The following RTTN variants were observed in gnomAD, a reference collection of about 807,000 sequenced individuals.
RTTN encodes rotatin.
A neutral mutation model predicts 269.2 loss-of-function variants in RTTN; 182 were observed. The observed-to-expected ratio is 0.68, with a 90% CI of 0.60 to 0.76. The LOEUF is 0.76. RTTN is among the 30% of genes least tolerant of loss of function. The pLI is 0.00. For missense variants in RTTN, 2,545 were observed against 2,608.6 expected (o/e 0.98, Z 0.53); for synonymous variants, 1,006 against 963.5 (o/e 1.04, Z -0.82).
At chr18:70,096,104 T>C (rs1165756164) in intron 28 of RTTN, among the ~76,000 whole-genome samples, 1 of 152,136 alleles carries the variant, frequency 6.6e-6, no homozygotes, top group Non-Finnish European at 1.5e-5. Context: ...TTGATACTCA[T>C]GTATGTGTCA....
chr18:70,128,241 G>A, intron 24 of RTTN, 117 bp downstream of exon 24: 1 of 727,454 alleles, frequency 1.4e-6, no homozygotes, highest in Non-Finnish European at 2.2e-6. Flanking sequence ...CTGTTAAAAA[G>A]CAGAATCAGA....
At chr18:70,095,197 G>A (rs746327453) in intron 28 of RTTN, among the ~76,000 whole-genome samples, 1 of 149,092 alleles carries the variant, frequency 6.7e-6, no homozygotes, top group Non-Finnish European at 1.5e-5. Flanking sequence ...TGTGTGTCTT[G>A]CATGTGAGAT....
chr18:70,133,528 TAGAC>T (rs551469906), intron 23 of RTTN, among the ~76,000 whole-genome samples: 3 of 152,192 alleles, frequency 2.0e-5, no homozygotes, highest in Admixed American at 6.6e-5. Context: ...TGTATATTCT[TAGAC>T]AGAATACTAC....
At chr18:70,036,791 T>C (rs560218223) in intron 40 of RTTN, among the ~76,000 whole-genome samples, 1 of 152,302 alleles carries the variant, frequency 6.6e-6, no homozygotes, top group South Asian at 2.1e-4. Flanking sequence ...TTTTAACAAC[T>C]ATATGCACAC....
intron 23 of RTTN, 200 bp from the exon 24 acceptor site, chr18:70,128,746 A>T (rs182135860): frequency 2.0e-4 from 100 of 510,584 alleles, no homozygotes; most frequent in East Asian, 1.5e-3. Flanking sequence ...ACTCCCCAGA[A>T]CACTTAAATC....
chr18:70,060,390 G>A (rs943004313), intron 35 of RTTN, among the ~76,000 whole-genome samples: 1 of 151,956 alleles, frequency 6.6e-6, no homozygotes, highest in Non-Finnish European at 1.5e-5. Flanking sequence ...AAACTCGAGG[G>A]GCCAAAGGTG....
chr18:70,178,166 T>C (rs575976500), intron 10 of RTTN, among the ~76,000 whole-genome samples: 4 of 152,190 alleles, frequency 2.6e-5, no homozygotes, highest in Admixed American at 2.6e-4. Flanking sequence ...GAGGCAGAGG[T>C]TGCAGTGAGC....
intron 6 of RTTN, 149 bp from the exon 7 acceptor site, chr18:70,196,797 G>A (rs992448986): frequency 3.0e-6 from 2 of 675,080 alleles, no homozygotes; most frequent in Non-Finnish European, 4.9e-6. Flanking sequence ...ACTGAAATGG[G>A]CAAATATGAC....
At chr18:70,018,892 G>C (rs1037402530) in intron 45 of RTTN, among the ~76,000 whole-genome samples, 13 of 142,576 alleles carry the variant, frequency 9.1e-5, no homozygotes, top group African/African-American at 3.5e-4. Context: ...TCCTACACCA[G>C]GTAGAATATG....
At chr18:70,036,831 C>T (rs2057188542) in intron 40 of RTTN, among the ~76,000 whole-genome samples, 1 of 152,232 alleles carries the variant, frequency 6.6e-6, no homozygotes, top group Non-Finnish European at 1.5e-5. Context: ...AACCAAAAAT[C>T]AGGTGAGCAA....
chr18:70,047,553 C>G lies in RTTN; in HGVS notation c.5541+418G>C, dbSNP rs559368067. Among the ~76,000 whole-genome samples, 3 of 152,274 alleles carry G rather than the reference C, an allele frequency of 2.0e-5. No homozygotes were observed. The East Asian group carries it at 5.8e-4, about 29-fold the overall frequency. ...TCCACTTACCTATACATGTAACCAA[C>G]CCCAAAAATCTGTGGTCCATTTCTA... On this transcript the variant is annotated intron_variant, in intron 40 of 48. Transcript: ENST00000640769.
chr18:70,004,918 T>C (rs1038064645), intron 48 of RTTN, among the ~76,000 whole-genome samples: 19 of 152,190 alleles, frequency 1.2e-4, no homozygotes, highest in Non-Finnish European at 1.9e-4. Context: ...CCAGTTCTTA[T>C]CACTAAGAAC....
intron 35 of RTTN, 45 bp from the exon 36 acceptor site, chr18:70,060,087 T>C (rs771996122): frequency 1.4e-5 from 20 of 1,433,170 alleles, no homozygotes; most frequent in Non-Finnish European, 1.9e-5. Context: ...ACCTTACAGC[T>C]ATGTACAATA....
intron 25 of RTTN, among the ~76,000 whole-genome samples, chr18:70,124,337 A>C (rs1028764198): frequency 6.6e-6 from 1 of 152,102 alleles, no homozygotes; most frequent in African/African-American, 2.4e-5. Context: ...GACTTATGCG[A>C]TATGTGAGGG....
chr18:70,031,838 G>T (rs945848654), intron 40 of RTTN, among the ~76,000 whole-genome samples: 2 of 151,914 alleles, frequency 1.3e-5, no homozygotes, highest in Admixed American at 6.6e-5. Context: ...GGGGCTGAAG[G>T]GGGAGGAAGC....
intron 4 of RTTN, among the ~76,000 whole-genome samples, chr18:70,199,956 T>G (rs949376417): frequency 6.6e-6 from 1 of 152,252 alleles, no homozygotes; most frequent in African/African-American, 2.4e-5. Flanking sequence ...GTCAGGTGTT[T>G]TAAACCTCTG....
chr18:70,184,712 T>TG (rs1282660729), intron 10 of RTTN, among the ~76,000 whole-genome samples: 29 of 55,210 alleles, frequency 5.3e-4, no homozygotes, highest in African/African-American at 1.6e-3. Context: ...GGTTTTTTTT[T>TG]TTTTTGTGTG....
chr18:70,040,298 T>C (rs1393418088), intron 40 of RTTN, among the ~76,000 whole-genome samples: 1 of 56,618 alleles, frequency 1.8e-5, no homozygotes, highest in Non-Finnish European at 6.9e-5. Context: ...TCCATGCCAA[T>C]GAAAACAAAA....
chr18:70,146,943 G>A (rs2060409443), intron 17 of RTTN, among the ~76,000 whole-genome samples: 1 of 152,188 alleles, frequency 6.6e-6, no homozygotes, highest in African/African-American at 2.4e-5. Context: ...AGCTTAGAAA[G>A]GCTAAACACC....
Sources: gnomAD v4.1 joint callset for allele counts (sites outside exome capture counted in the v4.1 genomes callset) on GRCh38, gnomAD v4.1.1 for gene constraint, MANE v1.5 for transcripts, NCBI Gene and HGNC (gene_info 2026-07-23, HGNC 2026-07-21) for gene names.